EVI5: variants seen among roughly 807,000 people sequenced by gnomAD.
EVI5 encodes the protein ecotropic viral integration site 5.
Under a neutral mutation model 112.0 loss-of-function variants are expected in EVI5, and 73 were observed. That is an observed-to-expected ratio of 0.65 (90% CI 0.54 to 0.79). The LOEUF is 0.79. Ranked by LOEUF, EVI5 falls within the 30% of genes least tolerant of loss-of-function variation. The probability of loss-of-function intolerance (pLI) is 0.00; values close to 1 mark genes in which losing one functional copy is unlikely to be tolerated. For missense variants in EVI5, 900 were observed against 968.8 expected, an observed-to-expected ratio of 0.93 and a Z score of 0.94; for synonymous variants, 305 against 319.9, an observed-to-expected ratio of 0.95 and a Z score of 0.50.
intron 1 of EVI5, among the ~76,000 whole-genome samples, chr1:92,738,995 G>A (rs1320400528): frequency 3.3e-5 from 5 of 151,984 alleles, no homozygotes; most frequent in African/African-American, 1.2e-4. Flanking sequence ...ATACTGGCCG[G>A]GCACGGTGGC....
At chr1:92,550,491 A>G (rs1571470354) in intron 19 of EVI5, among the ~76,000 whole-genome samples, 2 of 151,474 alleles carry the variant, frequency 1.3e-5, no homozygotes, top group South Asian at 2.1e-4. Context: ...AACTTAAAGT[A>G]TAATTAAAAA....
intron 9 of EVI5, among the ~76,000 whole-genome samples, chr1:92,681,149 C>G (rs1209348444): frequency 6.6e-6 from 1 of 152,130 alleles, no homozygotes; most frequent in African/African-American, 2.4e-5. Flanking sequence ...AATGCAAAAA[C>G]TGCAATTACT....
chr1:92,669,561 A>AAAAAAAAAAAAAAAAAAAAAAAAAAAC (rs1665511910), intron 10 of EVI5, among the ~76,000 whole-genome samples: 1 of 149,806 alleles, frequency 6.7e-6, no homozygotes, highest in Non-Finnish European at 1.5e-5. Context: ...AAAAAAAAAA[A>AAAAAAAAAAAAAAAAAAAAAAAAAAAC]TCACTGGGAA....
chr1:92,637,354 G>A (rs1659088451), intron 13 of EVI5, among the ~76,000 whole-genome samples: 1 of 150,766 alleles, frequency 6.6e-6, no homozygotes, highest in African/African-American at 2.4e-5. Context: ...CTCCAGCCCA[G>A]GTGACAGAGC....
At chr1:92,551,615 C>T (rs1666951593) in intron 19 of EVI5, among the ~76,000 whole-genome samples, 1 of 152,178 alleles carries the variant, frequency 6.6e-6, no homozygotes, top group Non-Finnish European at 1.5e-5. Flanking sequence ...ATACTACAGT[C>T]ATGCTAAAAG....
At chr1:92,516,145 C>A (rs1659833958) in intron 19 of EVI5, among the ~76,000 whole-genome samples, 1 of 152,126 alleles carries the variant, frequency 6.6e-6, no homozygotes, top group Non-Finnish European at 1.5e-5. Flanking sequence ...ATTTATAGCT[C>A]CAAGTGTTAA....
intron 1 of EVI5, among the ~76,000 whole-genome samples, chr1:92,741,135 G>A (rs1019707001): frequency 2.0e-5 from 3 of 152,152 alleles, no homozygotes; most frequent in Non-Finnish European, 4.4e-5. Flanking sequence ...CTATAAAGTA[G>A]GTATTACTAT....
intron 10 of EVI5, among the ~76,000 whole-genome samples, chr1:92,675,172 G>A (rs1189972451): frequency 6.6e-6 from 1 of 152,156 alleles, no homozygotes; most frequent in African/African-American, 2.4e-5. Context: ...GTGAAACCCT[G>A]TCTCTACCGA....
At chr1:92,649,505 TA>T (rs1557994314) in intron 13 of EVI5, among the ~76,000 whole-genome samples, 1 of 152,206 alleles carries the variant, frequency 6.6e-6, no homozygotes, top group African/African-American at 2.4e-5. Flanking sequence ...TTTAAAAACA[TA>T]AACATGTTAT....
At chr1:92,553,408 T>C (rs1427017682) in intron 19 of EVI5, among the ~76,000 whole-genome samples, 1 of 150,070 alleles carries the variant, frequency 6.7e-6, no homozygotes, top group African/African-American at 2.5e-5. Context: ...GTTCAAGCGA[T>C]TCTCCTGCCT....
intron 1 of EVI5, among the ~76,000 whole-genome samples, chr1:92,736,868 A>G (rs1473929575): frequency 6.6e-6 from 1 of 152,238 alleles, no homozygotes; most frequent in Non-Finnish European, 1.5e-5. Context: ...CAGGAGTGAC[A>G]AAAATCAACC....
At chr1:92,590,747 C>T (rs1673694268) in intron 18 of EVI5, among the ~76,000 whole-genome samples, 1 of 152,118 alleles carries the variant, frequency 6.6e-6, no homozygotes. Flanking sequence ...CATTCAAATT[C>T]AGGAAATACA....
At chr1:92,663,662 A>C (rs1359304083) in intron 11 of EVI5, among the ~76,000 whole-genome samples, 2 of 152,224 alleles carry the variant, frequency 1.3e-5, no homozygotes, top group Non-Finnish European at 2.9e-5. Flanking sequence ...GTTGAAAATC[A>C]TGTGTTTCCA....
At chr1:92,608,149 T>C (rs936860050) in intron 16 of EVI5, among the ~76,000 whole-genome samples, 3 of 143,348 alleles carry the variant, frequency 2.1e-5, no homozygotes, top group African/African-American at 8.0e-5. Flanking sequence ...AGACTCCGTC[T>C]CAAAAAAAAA....
chr1:92,718,917 C>G (rs1453537324), intron 2 of EVI5, among the ~76,000 whole-genome samples: 1 of 152,122 alleles, frequency 6.6e-6, no homozygotes, highest in Non-Finnish European at 1.5e-5. Context: ...ATAATAAACA[C>G]CTCTGTGCAA....
At chr1:92,784,175 A>AAGACAGAC in intron 1 of EVI5, 1 of 395,556 alleles carries the variant, frequency 2.5e-6, no homozygotes, top group Non-Finnish European at 3.4e-6. Flanking sequence ...AGAAGCCCCA[A>AAGACAGAC]AGACAGACAG....
At chr1:92,771,917 C>T (rs113127158) in intron 1 of EVI5, among the ~76,000 whole-genome samples, 1,654 of 152,040 alleles carry the variant, frequency 0.011, 38 homozygotes, top group African/African-American at 0.038. Context: ...TGCAATGGTG[C>T]AATCTCAGCT....
chr1:92,608,109 C>A (rs536296956), intron 16 of EVI5, among the ~76,000 whole-genome samples: 1 of 151,286 alleles, frequency 6.6e-6, no homozygotes, highest in South Asian at 2.1e-4. Flanking sequence ...GGAGACTGAG[C>A]CACTGCACTC....
At chr1:92,616,088 T>C (rs1299238464) in intron 16 of EVI5, among the ~76,000 whole-genome samples, 39 of 152,172 alleles carry the variant, frequency 2.6e-4, no homozygotes, top group Admixed American at 2.6e-3. Context: ...TGGCCCACTG[T>C]GAGAGAGCTG....
Sources: gnomAD v4.1 joint callset for allele counts (sites outside exome capture counted in the v4.1 genomes callset) on GRCh38, gnomAD v4.1.1 for gene constraint, MANE v1.5 for transcripts, NCBI Gene and HGNC (gene_info 2026-07-23, HGNC 2026-07-21) for gene names.